The following PLCB1 variants were observed in gnomAD, a reference collection of about 807,000 sequenced individuals.
PLCB1 encodes 1-phosphatidylinositol 4,5-bisphosphate phosphodiesterase beta-1.
Under a neutral mutation model 161.8 loss-of-function variants are expected in PLCB1, and 46 were observed. That is an observed-to-expected ratio of 0.28 (90% CI 0.22 to 0.36). The LOEUF is 0.36. Among genes scored for constraint, PLCB1 ranks in the 10% least tolerant of loss-of-function variants. The pLI is 1.00. For synonymous variants in PLCB1, 517 were observed against 503.7 expected, an observed-to-expected ratio of 1.03 and a Z score of -0.35; for missense variants, 1,016 against 1,472.5, an observed-to-expected ratio of 0.69 and a Z score of 5.07.
intron 2 of PLCB1, among the ~76,000 whole-genome samples, chr20:8,365,833 T>C (rs762354207): frequency 2.2e-4 from 34 of 152,308 alleles, no homozygotes; most frequent in Middle Eastern, 3.4e-3. Context: ...ATGACTGTAA[T>C]TGCTGTTCTG....
chr20:8,820,009 T>C (rs1985260672), intron 31 of PLCB1, among the ~76,000 whole-genome samples: 1 of 149,188 alleles, frequency 6.7e-6, no homozygotes, highest in African/African-American at 2.4e-5. Flanking sequence ...TCCTCCTATA[T>C]ATATTAAATC....
At chr20:8,242,773 T>C (rs1980687496) in intron 2 of PLCB1, among the ~76,000 whole-genome samples, 1 of 151,894 alleles carries the variant, frequency 6.6e-6, no homozygotes, top group South Asian at 2.1e-4. Flanking sequence ...GACAAGGTTG[T>C]GTGGCTTTGG....
intron 2 of PLCB1, among the ~76,000 whole-genome samples, chr20:8,241,811 C>A (rs1237466982): frequency 6.6e-6 from 1 of 151,968 alleles, no homozygotes; most frequent in Non-Finnish European, 1.5e-5. Flanking sequence ...AAGAAGTCCT[C>A]TTGGAAGAAG....
intron 14 of PLCB1, among the ~76,000 whole-genome samples, chr20:8,719,838 A>C (rs1314900348): frequency 6.6e-6 from 1 of 152,146 alleles, no homozygotes; most frequent in Non-Finnish European, 1.5e-5. Flanking sequence ...TTAAAATATA[A>C]ACTCTAGGAC....
At chr20:8,457,386 G>A (rs890618328) in intron 3 of PLCB1, among the ~76,000 whole-genome samples, 6 of 152,106 alleles carry the variant, frequency 3.9e-5, no homozygotes, top group South Asian at 2.1e-4. Flanking sequence ...TTCACCCAGC[G>A]TAATGCCAGT....
At chr20:8,666,499 G>A (rs772290270) in intron 9 of PLCB1, among the ~76,000 whole-genome samples, 10 of 152,164 alleles carry the variant, frequency 6.6e-5, no homozygotes, top group Non-Finnish European at 1.0e-4. Flanking sequence ...TTCCAATCAC[G>A]AAGCCCTGGC....
chr20:8,370,746 C>T (rs1568650330), intron 2 of PLCB1, among the ~76,000 whole-genome samples: 1 of 152,196 alleles, frequency 6.6e-6, no homozygotes, highest in East Asian at 1.9e-4. Flanking sequence ...ACACATTCCC[C>T]CTTGTCTTAC....
chr20:8,156,017 G>A (rs996381320), intron 2 of PLCB1, among the ~76,000 whole-genome samples: 5 of 152,268 alleles, frequency 3.3e-5, no homozygotes, highest in African/African-American at 1.2e-4. Context: ...TCCTTCACCA[G>A]TATTGATGAT....
chr20:8,730,720 A>T (rs1424054475), intron 18 of PLCB1, among the ~76,000 whole-genome samples: 1 of 151,740 alleles, frequency 6.6e-6, no homozygotes, highest in Non-Finnish European at 1.5e-5. Context: ...TTTCTGTCAC[A>T]GGAAAAATGC....
At chr20:8,338,475 T>C (rs1985669999) in intron 2 of PLCB1, among the ~76,000 whole-genome samples, 1 of 152,238 alleles carries the variant, frequency 6.6e-6, no homozygotes, top group African/African-American at 2.4e-5. Flanking sequence ...CTCTGTTTCA[T>C]TGATTCTTTT....
intron 2 of PLCB1, among the ~76,000 whole-genome samples, chr20:8,355,941 A>G (rs1165755829): frequency 6.6e-6 from 1 of 152,208 alleles, no homozygotes; most frequent in African/African-American, 2.4e-5. Flanking sequence ...ATGATTTTTA[A>G]TGCAACAAAA....
At chr20:8,843,907 G>A (rs2146293360) in intron 31 of PLCB1, among the ~76,000 whole-genome samples, 1 of 152,264 alleles carries the variant, frequency 6.6e-6, no homozygotes, top group East Asian at 1.9e-4. Flanking sequence ...TAAAATGGAA[G>A]GTGTGCATCC....
At chr20:8,150,779 C>G (rs1242212574) in intron 2 of PLCB1, among the ~76,000 whole-genome samples, 1 of 152,056 alleles carries the variant, frequency 6.6e-6, no homozygotes, top group Non-Finnish European at 1.5e-5. Context: ...TCTCTTTTCC[C>G]CTGTGCTGTT....
chr20:8,327,636 C>T (rs191644626), intron 2 of PLCB1, among the ~76,000 whole-genome samples: 4 of 152,276 alleles, frequency 2.6e-5, no homozygotes. Flanking sequence ...CATAGAAGGC[C>T]TGTTCATCAT....
At chr20:8,437,093 A>G (rs1021973089) in intron 3 of PLCB1, among the ~76,000 whole-genome samples, 2 of 152,062 alleles carry the variant, frequency 1.3e-5, no homozygotes, top group Non-Finnish European at 2.9e-5. Flanking sequence ...CCTGGTCCGT[A>G]ACCATGGATT....
chr20:8,254,369 T>C (rs1981306254), intron 2 of PLCB1, among the ~76,000 whole-genome samples: 1 of 152,032 alleles, frequency 6.6e-6, no homozygotes, highest in African/African-American at 2.4e-5. Flanking sequence ...AACTTTCTGA[T>C]ATATTTGTTT....
intron 15 of PLCB1, 122 bp from the exon 16 acceptor site, chr20:8,724,534 A>G: frequency 1.5e-6 from 1 of 676,720 alleles, no homozygotes; most frequent in South Asian, 1.7e-5. Context: ...TTCATTTTGT[A>G]ATTTTCAGAA....
At chr20:8,459,855 T>C (rs1981496827) in intron 3 of PLCB1, among the ~76,000 whole-genome samples, 1 of 152,216 alleles carries the variant, frequency 6.6e-6, no homozygotes, top group Non-Finnish European at 1.5e-5. Flanking sequence ...TATTCAACAA[T>C]AGGATTTCCT....
chr20:8,728,781 A>G (rs1247914514), intron 17 of PLCB1, among the ~76,000 whole-genome samples: 1 of 152,074 alleles, frequency 6.6e-6, no homozygotes, highest in Non-Finnish European at 1.5e-5. Context: ...TGATAAGAGC[A>G]TACTTATTCT....
Sources: allele counts gnomAD v4.1 joint callset (sites outside exome capture counted in the v4.1 genomes callset), GRCh38; gene constraint gnomAD v4.1.1; transcripts MANE v1.5; gene names NCBI Gene and HGNC (gene_info 2026-07-23, HGNC 2026-07-21).